Variants in MLLT6 observed in about 807,000 individuals in gnomAD.
MLLT6 encodes MLLT6, PHD finger containing.
In MLLT6, 22 loss-of-function variants were observed where a neutral mutation model predicts 103.0. That is an observed-to-expected ratio of 0.21 (90% CI 0.15 to 0.31). The LOEUF (loss-of-function observed/expected upper bound fraction) is 0.31, where lower values mean the gene tolerates loss of function less well. Among genes scored for constraint, MLLT6 ranks in the 10% least tolerant of loss-of-function variants. MLLT6 has a pLI of 1.00. For synonymous variants in MLLT6, 606 were observed against 623.5 expected, an observed-to-expected ratio of 0.97 and a Z score of 0.42; for missense variants, 1,199 against 1,441.7, an observed-to-expected ratio of 0.83 and a Z score of 2.73.
intron 16 of MLLT6, 142 bp from the exon 17 acceptor site, chr17:38,721,736 A>G (rs1257742435): frequency 1.9e-6 from 1 of 540,278 alleles, no homozygotes; most frequent in African/African-American, 2.0e-5. Context: ...CTTAGCCCTC[A>G]TCCCCGGACC....
chr17:38,720,383 C>G lies in MLLT6; in HGVS notation c.2167C>G (p.Leu723Val). Reference protein sequence around the residue: ...GEAGVNIVEMLKALHALQKEN... With the variant: ...GEAGVNIVEMVKALHALQKEN... The stretch of plus-strand genomic sequence containing the variant: ...CGCTCTCTCCGCAGTCGTGGAGATG[C>G]TGAAGGCGCTGCACGCGCTGCAGAA... The change falls in exon 15 of 20, where the codon CTG becomes GTG. Residue 723 changes from leucine to valine, a missense_variant. This residue lies in a region of MLLT6 where 1,034 missense variants were observed against 1,091.5 expected (regional missense o/e 0.95). Coordinates refer to ENST00000621332, the MANE Select transcript of MLLT6 (RefSeq NM_005937.4). 1 of 1,382,686 alleles carries G rather than the reference C, an allele frequency of 7.2e-7. No homozygotes were observed. 85.7% of individuals were successfully genotyped at this position (1,382,686 alleles called of 1,614,324 possible). A position where few individuals can be genotyped will look rare whatever the true frequency, so the allele number is the denominator to read the frequency against.
chr17:38,726,354 AGTGTGTGTGTGCGTGCATGTGTGTGT>A lies in MLLT6; in HGVS notation c.*768_*793del, dbSNP rs1452089768. 123 of 222,982 alleles carry A rather than the reference AGTGTGTGTGTGCGTGCATGTGTGTGT, an allele frequency of 5.5e-4. No individual in the cohort carries two copies. Among genetic ancestry groups the A allele is most frequent in the Admixed American group, 7.2e-4 (12 of 16,738 alleles). 13.8% of individuals were successfully genotyped at this position (222,982 alleles called of 1,614,324 possible). ...ATGGAGCTGCCCGTCTCAGTGTGTG[AGTGTGTGTGTGCGTGCATGTGTGTGT>A]GTGTGTGTGTGTGTGTGTGTGTCTG... On this transcript the variant is annotated 3_prime_UTR_variant, in exon 20 of 20. Transcript: ENST00000621332.
At chr17:38,707,366 C>T (rs766583174) in intron 2 of MLLT6, 120 bp from the exon 3 acceptor site, 30 of 859,740 alleles carry the variant, frequency 3.5e-5, no homozygotes, top group Non-Finnish European at 5.4e-5. Context: ...ATCCTGTTTC[C>T]ACTGTAGCCC....
chr17:38,719,633 C>G (rs778005610), intron 13 of MLLT6, 50 bp downstream of exon 13: 9 of 1,572,842 alleles, frequency 5.7e-6, no homozygotes, highest in African/African-American at 2.7e-5. Flanking sequence ...GAGGGACACC[C>G]GAGGGAGGAG....
intron 18 of MLLT6, among the ~76,000 whole-genome samples, chr17:38,723,556 C>A (rs555822162): frequency 2.0e-5 from 3 of 152,182 alleles, no homozygotes; most frequent in African/African-American, 7.2e-5. Flanking sequence ...AAATATTAGA[C>A]AGGAAACCAA....
At chr17:38,712,662 A>C in intron 7 of MLLT6, 29 bp from the exon 8 acceptor site, 2 of 1,489,914 alleles carry the variant, frequency 1.3e-6, no homozygotes. Flanking sequence ...GCCCCCCAGC[A>C]CAATATCTAG....
chr17:38,714,716 C>G (rs1264964262), intron 8 of MLLT6: 1 of 152,460 alleles, frequency 6.6e-6, no homozygotes, highest in African/African-American at 2.4e-5. Flanking sequence ...GCACTCCAGC[C>G]TGTGCAACAA....
rs934848882 is a variant in MLLT6, at chr17:38,729,604, C to G, written c.*4006C>G. ...CCACAGATTGCAAACCCAGGGGCTC[C>G]TTTTTCATTCTTTCTAAAACCTTGA... is the stretch of plus-strand genomic sequence containing the variant. On this transcript the variant is annotated 3_prime_UTR_variant, in exon 20 of 20. Transcript: ENST00000621332. 5 of 232,168 alleles carry G rather than the reference C, an allele frequency of 2.2e-5. No individual in the cohort carries two copies. The highest frequency in any genetic ancestry group is 4.3e-5 in the Non-Finnish European group (5 of 117,212). 14.4% of individuals were successfully genotyped at this position (232,168 alleles called of 1,614,324 possible). A position where few individuals can be genotyped will look rare whatever the true frequency, so the allele number is the denominator to read the frequency against.
chr17:38,729,778 CAAAAAAAA>C lies in MLLT6; in HGVS notation c.*4190_*4197del, dbSNP rs879210230. On this transcript the variant is annotated 3_prime_UTR_variant, in exon 20 of 20. Transcript: ENST00000621332. ...GTTCTTTTAATAAAAGAATGTTTTG[CAAAAAAAA>C]AAAAAAAAATCCGAAGAGCCCCTGC... 8.7e-6 allele frequency: 1 copy of C among 115,578 alleles called. No individual in the cohort carries two copies. The highest frequency in any genetic ancestry group is 1.3e-4 in the East Asian group (1 of 7,920). 7.2% of individuals were successfully genotyped at this position (115,578 alleles called of 1,614,324 possible). A position where few individuals can be genotyped will look rare whatever the true frequency, so the allele number is the denominator to read the frequency against.
chr17:38,720,751 GGC>G lies in MLLT6; in HGVS notation c.2442+7_2442+8del, dbSNP rs1359178631. Reference sequence around the variant, plus strand: ...CTCGCTGTCCACTTCTTCTGAGGTGGGCGCTACGAGGAGTGGGGCAGGAAGGA... The same window carrying G: ...CTCGCTGTCCACTTCTTCTGAGGTGGGCTACGAGGAGTGGGGCAGGAAGGA... On this transcript the variant is annotated splice_donor_5th_base_variant and intron_variant, in intron 16 of 19. Coordinates refer to ENST00000621332, the MANE Select transcript of MLLT6 (RefSeq NM_005937.4). The G allele has an allele frequency of 6.2e-7, 1 of 1,613,378 alleles. No individual in the cohort carries two copies. The highest frequency in any genetic ancestry group is 1.1e-5 in the South Asian group (1 of 91,076).
intron 2 of MLLT6, 110 bp from the exon 3 acceptor site, chr17:38,707,376 C>T: frequency 1.0e-6 from 1 of 975,416 alleles, no homozygotes; most frequent in Non-Finnish European, 1.6e-6. Context: ...CACTGTAGCC[C>T]CATCCATCCA....
chr17:38,711,981 G>A lies in MLLT6; in HGVS notation c.687G>A (p.Lys229=), dbSNP rs1421780853. The A allele has an allele frequency of 1.9e-6, 3 of 1,603,360 alleles. No individual in the cohort carries two copies. The highest frequency in any genetic ancestry group is 2.6e-6 in the Non-Finnish European group (3 of 1,173,866). The stretch of plus-strand genomic sequence containing the variant: ...CCTCACCATCCACGCAGCAGGAGAA[G>A]CACCCCACCCACCACGAGAGGGGCC... ...RSASPSTQQE[K]HPTHHERGQK... is the part of the protein sequence containing the mutation. The change falls in exon 7 of 20, where the codon AAG becomes AAA. Residue 229 remains lysine, a synonymous_variant. Transcript: ENST00000621332.
Position 38,719,567 on chromosome 17 carries a change from G to A in MLLT6, c.1993G>A (p.Glu665Lys). The A allele has an allele frequency of 6.2e-7, 1 of 1,610,562 alleles. No homozygotes were observed. The highest frequency in any genetic ancestry group is 8.5e-7 in the Non-Finnish European group (1 of 1,178,618). The change falls in exon 13 of 20, where the codon GAG becomes AAG. Residue 665 changes from glutamate to lysine, a missense_variant. This residue lies in a region of MLLT6 where 1,034 missense variants were observed against 1,091.5 expected (regional missense o/e 0.95). Coordinates refer to ENST00000621332, the MANE Select transcript of MLLT6 (RefSeq NM_005937.4). ...SFRCRGTSPQ[E>K]SLSSMSPISS... ...CCGGTGTCGGGGGACCTCCCCTCAG[G>A]AGAGTCTGTCTTCCATGTGAGGGAA...
intron 6 of MLLT6, among the ~76,000 whole-genome samples, chr17:38,710,390 C>T (rs1905104942): frequency 6.6e-6 from 1 of 152,132 alleles, no homozygotes; most frequent in South Asian, 2.1e-4. Context: ...TGGATCTACC[C>T]CCGAGCCACA....
rs1329886830 is a variant in MLLT6 at position 38,719,840 on chromosome 17, G to T, written c.2100G>T (p.Thr700=). The T allele has an allele frequency of 1.2e-6, 2 of 1,611,278 alleles. No individual in the cohort carries two copies. The change falls in exon 14 of 20, where the codon ACG becomes ACT. Residue 700 remains threonine, a synonymous_variant. Transcript: ENST00000621332. The part of the protein sequence containing the change: ...GGQLDPAAPG[T]TNMEQLLEKQ... Reference sequence around the variant, plus strand: ...AGTTAGACCCGGCGGCCCCAGGGACGACTAACATGGAGCAGCTTCTGGAGA... The same window carrying T: ...AGTTAGACCCGGCGGCCCCAGGGACTACTAACATGGAGCAGCTTCTGGAGA...
chr17:38,724,680 C>G lies in MLLT6; in HGVS notation c.2944C>G (p.Arg982Gly). Residue 982 changes from arginine to glycine, a missense_variant, in exon 19 of 20, where the codon CGC (arginine) becomes GGC (glycine). Coordinates refer to ENST00000621332, the MANE Select transcript of MLLT6 (RefSeq NM_005937.4). This position sits in a 1 kb window ranked among gnomAD's most constrained non-coding sequence, Gnocchi z 5.4. ...QQIQQKRELQ[R>G]LQMAGGSQLP... ...GATCCAGCAGAAACGGGAGCTGCAG[C>G]GCCTGCAGATGGCTGGGGGCTCCCA... is the stretch of plus-strand genomic sequence containing the variant. 1 of 1,612,586 alleles carries G rather than the reference C, an allele frequency of 6.2e-7. No individual in the cohort carries two copies. Among genetic ancestry groups the G allele is most frequent in the Non-Finnish European group, 8.5e-7 (1 of 1,179,458 alleles).
chr17:38,716,303 G>A lies in MLLT6; in HGVS notation c.1037-64G>A, dbSNP rs889620817. On this transcript the variant is annotated intron_variant, in intron 9 of 19. Coordinates refer to ENST00000621332, the MANE Select transcript of MLLT6 (RefSeq NM_005937.4). This position sits in a 1 kb window ranked among gnomAD's most constrained non-coding sequence, Gnocchi z 5.6. The stretch of plus-strand genomic sequence containing the variant: ...CCAGAGCTCTCTCCCGCCAGTACAC[G>A]CGGGAGTGGGAGGGAGTGCGGGGAT... 5.9e-6 allele frequency: 9 copies of A among 1,526,484 alleles called. No individual in the cohort carries two copies. The highest frequency in any genetic ancestry group is 1.4e-5 in the African/African-American group (1 of 71,110). The allele number at this position is 1,526,484 out of a possible 1,614,324, so 94.6% of individuals were successfully genotyped here.
intron 8 of MLLT6, chr17:38,713,369 C>G (rs1905211236): frequency 2.9e-6 from 1 of 347,442 alleles, no homozygotes; most frequent in Admixed American, 4.6e-5. Flanking sequence ...AGGCCCTACC[C>G]TAGGCCAGGG....
In MLLT6 at chr17:38,720,715, G is replaced by T. The variant is rs1305961535; in HGVS notation, c.2410G>T (p.Gly804Cys). ...SKSPPGKSSL[G>C]LDNSLSTSSE... ...GAGCCCTCCGGGAAAGAGCAGCCTC[G>T]GCCTGGACAACTCGCTGTCCACTTC... is the stretch of plus-strand genomic sequence containing the variant. Residue 804 changes from glycine to cysteine, a missense_variant, in exon 16 of 20, where the codon GGC becomes TGC. By Grantham distance (159) the Gly-to-Cys change is radical. Around this residue, in one of 7 missense-constraint regions of MLLT6, gnomAD observed 1,034 missense variants for 1,091.5 expected, o/e 0.95. Transcript: ENST00000621332. The T allele has an allele frequency of 6.2e-7, 1 of 1,613,740 alleles. No individual in the cohort carries two copies. The highest frequency in any genetic ancestry group is 1.3e-5 in the African/African-American group (1 of 74,920).
Sources: allele counts gnomAD v4.1 joint callset (sites outside exome capture counted in the v4.1 genomes callset), GRCh38; gene constraint gnomAD v4.1.1; regional missense constraint gnomAD v4.1.1; non-coding constraint Gnocchi (gnomAD v3.1); transcripts MANE v1.5; gene names NCBI Gene and HGNC (gene_info 2026-07-23, HGNC 2026-07-21).